The following CADPS2 variants were observed in gnomAD, a reference collection of about 807,000 sequenced individuals.
The protein encoded by CADPS2 is calcium-dependent secretion activator 2.
A neutral mutation model predicts 172.5 loss-of-function variants in CADPS2; 93 were observed. The observed-to-expected ratio is 0.54, with a 90% CI of 0.46 to 0.64. CADPS2 has a LOEUF of 0.64. Among genes scored for constraint, CADPS2 ranks in the 30% least tolerant of loss-of-function variants. CADPS2 has a pLI of 0.00. For synonymous variants in CADPS2, 546 were observed against 555.2 expected (o/e 0.98, Z 0.23); for missense variants, 1,420 against 1,565.9 (o/e 0.91, Z 1.57).
Position 122,867,939 on chromosome 7 carries a change from G to C in CADPS2, c.339+18060C>G, listed in dbSNP as rs75937039. Among the ~76,000 whole-genome samples the C allele has an allele frequency of 6.0e-3, 909 of 152,234 alleles. 10 individuals are homozygous for C. The highest frequency in any genetic ancestry group is 0.021 in the African/African-American group (872 of 41,572). Reference sequence around the variant, plus strand: ...GGCCTCTTCATACCTGAAGGGGAAAGTGAGCACCCTCTGTGCCTTTCTCCC... The same window carrying C: ...GGCCTCTTCATACCTGAAGGGGAAACTGAGCACCCTCTGTGCCTTTCTCCC... On this transcript the variant is annotated intron_variant, in intron 1 of 29. Coordinates refer to ENST00000449022, the MANE Select transcript of CADPS2 (RefSeq NM_017954.11).
chr7:122,832,574 T>G (rs538032154), intron 1 of CADPS2, among the ~76,000 whole-genome samples: 2 of 152,358 alleles, frequency 1.3e-5, no homozygotes, highest in Admixed American at 1.3e-4. Flanking sequence ...CCTCTGCCTG[T>G]GCTACCAGAG....
chr7:122,528,491 G>T (rs931571982), intron 8 of CADPS2, among the ~76,000 whole-genome samples: 2 of 151,952 alleles, frequency 1.3e-5, no homozygotes, highest in Admixed American at 6.6e-5. Context: ...AAATTATAAC[G>T]TTCAGCTTCT....
intron 14 of CADPS2, among the ~76,000 whole-genome samples, chr7:122,458,554 G>A (rs1321885347): frequency 2.0e-5 from 3 of 152,072 alleles, no homozygotes; most frequent in African/African-American, 4.8e-5. Flanking sequence ...TCTGAAATAT[G>A]TTCTTATCTT....
chr7:122,493,646 T>C (rs910693036), intron 9 of CADPS2, among the ~76,000 whole-genome samples: 24 of 152,230 alleles, frequency 1.6e-4, no homozygotes, highest in African/African-American at 5.5e-4. Flanking sequence ...TATGATATAC[T>C]TACGTTTTAC....
At chr7:122,884,276 T>C (rs934477713) in intron 1 of CADPS2, among the ~76,000 whole-genome samples, 1 of 152,178 alleles carries the variant, frequency 6.6e-6, no homozygotes, top group Non-Finnish European at 1.5e-5. Flanking sequence ...ACAATGACTA[T>C]TGAAGCTGAC....
At chr7:122,834,527 C>A (rs1741703439) in intron 1 of CADPS2, among the ~76,000 whole-genome samples, 2 of 152,166 alleles carry the variant, frequency 1.3e-5, no homozygotes, top group Admixed American at 6.5e-5. Flanking sequence ...AGGGAATTCC[C>A]TTTCCTAGCC....
chr7:122,418,802 A>G (rs1226277006), intron 17 of CADPS2, among the ~76,000 whole-genome samples: 4 of 152,200 alleles, frequency 2.6e-5, no homozygotes, highest in East Asian at 1.9e-4. Flanking sequence ...TGGGTCTTCA[A>G]TGGACCATCC....
At chr7:122,760,898 C>T (rs1401336960) in intron 1 of CADPS2, among the ~76,000 whole-genome samples, 1 of 151,760 alleles carries the variant, frequency 6.6e-6, no homozygotes. Flanking sequence ...ACCAACATGG[C>T]ACATGTATAC....
chr7:122,710,002 A>AAC (rs1429824300), intron 2 of CADPS2, among the ~76,000 whole-genome samples: 2 of 151,336 alleles, frequency 1.3e-5, no homozygotes, highest in Non-Finnish European at 2.9e-5. Context: ...GCACATATGT[A>AAC]ACTAACCTGC....
At chr7:122,803,077 G>A (rs1444865788) in intron 1 of CADPS2, among the ~76,000 whole-genome samples, 13 of 152,142 alleles carry the variant, frequency 8.5e-5, no homozygotes, top group Admixed American at 7.9e-4. Context: ...GCATAGGTAT[G>A]TGTTTTAAGA....
intron 2 of CADPS2, among the ~76,000 whole-genome samples, chr7:122,679,403 G>C (rs1023991279): frequency 1.3e-5 from 2 of 151,812 alleles, no homozygotes; most frequent in African/African-American, 2.4e-5. Flanking sequence ...GCGAATTCTA[G>C]TCAGACCGGT....
chr7:122,731,164 A>C lies in CADPS2; in HGVS notation c.453+5791T>G, dbSNP rs1260633662. 2.0e-5 allele frequency among the ~76,000 whole-genome samples: 3 copies of C among 151,714 alleles called. No homozygotes were observed. In the East Asian group the frequency reaches 5.8e-4, roughly 29 times the overall value. ...TCTCTCATTTATTCTTTGGAACCAA[A>C]GTAGAACATAAACAAATGAAAACAG... On this transcript the variant is annotated intron_variant, in intron 2 of 29. Coordinates refer to ENST00000449022, the MANE Select transcript of CADPS2 (RefSeq NM_017954.11).
At chr7:122,469,089 G>C (rs2055553744) in intron 14 of CADPS2, among the ~76,000 whole-genome samples, 1 of 152,074 alleles carries the variant, frequency 6.6e-6, no homozygotes, top group South Asian at 2.1e-4. Context: ...ACAGAGTATC[G>C]TTATAAAGAA....
intron 3 of CADPS2, among the ~76,000 whole-genome samples, chr7:122,655,811 TTC>T (rs1184741810): frequency 6.6e-6 from 1 of 152,180 alleles, no homozygotes; most frequent in Non-Finnish European, 1.5e-5. Context: ...TCTTTATAAT[TTC>T]TTTTTGTTTT....
At chr7:122,807,140 G>A (rs946882766) in intron 1 of CADPS2, among the ~76,000 whole-genome samples, 1 of 152,200 alleles carries the variant, frequency 6.6e-6, no homozygotes, top group Non-Finnish European at 1.5e-5. Context: ...GCATGCAGGG[G>A]GCATGTGCTG....
intron 3 of CADPS2, among the ~76,000 whole-genome samples, chr7:122,630,832 A>G (rs113965764): frequency 0.036 from 5,462 of 152,252 alleles, 186 homozygotes; most frequent in Non-Finnish European, 0.049. Flanking sequence ...TTGATTTTTA[A>G]AAAACCAAAT....
At chr7:122,783,412 T>C (rs1793265511) in intron 1 of CADPS2, among the ~76,000 whole-genome samples, 1 of 152,194 alleles carries the variant, frequency 6.6e-6, no homozygotes, top group Non-Finnish European at 1.5e-5. Context: ...CTGATCAAGT[T>C]ACTATTTTTC....
At chr7:122,321,486 T>G (rs547769102) in intron 29 of CADPS2, among the ~76,000 whole-genome samples, 6 of 151,788 alleles carry the variant, frequency 4.0e-5, no homozygotes, top group Non-Finnish European at 5.9e-5. Flanking sequence ...TTTTTTCTTT[T>G]CTTTTTTTTG....
intron 1 of CADPS2, among the ~76,000 whole-genome samples, chr7:122,848,594 A>T (rs565101596): frequency 5.9e-5 from 9 of 152,380 alleles, no homozygotes; most frequent in Middle Eastern, 3.4e-3. Flanking sequence ...AGAAAGAGGC[A>T]AAACTGCGAT....
Sources: gnomAD v4.1 joint callset for allele counts (sites outside exome capture counted in the v4.1 genomes callset) on GRCh38, gnomAD v4.1.1 for gene constraint, MANE v1.5 for transcripts, NCBI Gene and HGNC (gene_info 2026-07-23, HGNC 2026-07-21) for gene names.